R3HCC1L: variants seen among roughly 807,000 people sequenced by gnomAD.
R3HCC1L encodes the protein R3H domain and coiled-coil containing 1 like.
A neutral mutation model predicts 59.9 loss-of-function variants in R3HCC1L; 51 were observed. The observed-to-expected ratio is 0.85, with a 90% CI of 0.68 to 1.07. R3HCC1L has a LOEUF of 1.07. Ranked by LOEUF, R3HCC1L falls within the 50% of genes least tolerant of loss-of-function variation. The pLI, the probability that R3HCC1L is intolerant of heterozygous loss-of-function variation, is 0.00. For synonymous variants in R3HCC1L, 322 were observed against 315.2 expected (o/e 1.02, Z -0.23); for missense variants, 965 against 933.0 (o/e 1.03, Z -0.45).
At chr10:98,223,714 G>T (rs933903489) in intron 5 of R3HCC1L, among the ~76,000 whole-genome samples, 3 of 151,968 alleles carry the variant, frequency 2.0e-5, no homozygotes, top group Non-Finnish European at 4.4e-5. Flanking sequence ...GTAGAACTTT[G>T]CTGGGGATGA....
In R3HCC1L at chr10:98,218,285, A is replaced by G. The variant is rs561903329; in HGVS notation, c.1785+8386A>G. 9.9e-5 allele frequency among the ~76,000 whole-genome samples: 15 copies of G among 152,066 alleles called. No homozygotes were observed. The South Asian group carries it at 2.9e-3, about 29-fold the overall frequency. ...GATGTTTATATGGGTTTTGACCTTC[A>G]TTCTGTTGATCTAATGTATCACATT... On this transcript the variant is annotated intron_variant, in intron 5 of 9. Transcript: ENST00000298999.
Position 98,209,170 on chromosome 10 carries a change from A to G in R3HCC1L, c.1056A>G (p.Thr352=). 6.2e-7 allele frequency: 1 copy of G among 1,613,918 alleles called. No individual in the cohort carries two copies. The highest frequency in any genetic ancestry group is 8.5e-7 in the Non-Finnish European group (1 of 1,179,938). ...ATGTAAAGCACGAACCTCCTGATAC[A>G]GCTGTCCTTGCTCATGAAACACATA... ...ELHVKHEPPD[T]AVLAHETHRD... is the part of the protein sequence containing the mutation. The change falls in exon 5 of 10, where the codon ACA becomes ACG. Residue 352 remains threonine (T), a synonymous_variant. Transcript: ENST00000298999.
chr10:98,135,719 G>A (rs966676004), intron 1 of R3HCC1L, among the ~76,000 whole-genome samples: 3 of 152,102 alleles, frequency 2.0e-5, no homozygotes, highest in African/African-American at 7.2e-5. Context: ...TGGATTTTAA[G>A]GCCCACCAGA....
At chr10:98,243,184 C>G (rs1471004525) in intron 9 of R3HCC1L, among the ~76,000 whole-genome samples, 2 of 152,200 alleles carry the variant, frequency 1.3e-5, no homozygotes, top group Admixed American at 6.5e-5. Flanking sequence ...AGTGTTTATT[C>G]TGAATTCATC....
intron 4 of R3HCC1L, among the ~76,000 whole-genome samples, chr10:98,170,370 C>T (rs561708773): frequency 6.6e-6 from 1 of 152,208 alleles, no homozygotes; most frequent in Non-Finnish European, 1.5e-5. Context: ...GGCTGGAGTA[C>T]AGTGTCACAA....
chr10:98,145,614 AT>A (rs1845574285), intron 1 of R3HCC1L, among the ~76,000 whole-genome samples: 1 of 152,154 alleles, frequency 6.6e-6, no homozygotes, highest in African/African-American at 2.4e-5. Context: ...GTTCTTTGGA[AT>A]TTGTCTTTTG....
intron 2 of R3HCC1L, among the ~76,000 whole-genome samples, chr10:98,156,691 G>A (rs73323849): frequency 0.042 from 6,336 of 152,230 alleles, 422 homozygotes; most frequent in African/African-American, 0.14. Flanking sequence ...GGGTGAGACC[G>A]TTGTTGATTG....
intron 6 of R3HCC1L, among the ~76,000 whole-genome samples, chr10:98,232,725 G>C (rs531160586): frequency 6.6e-6 from 1 of 152,158 alleles, no homozygotes; most frequent in Non-Finnish European, 1.5e-5. Context: ...TCAGGGTATA[G>C]CCCTTAACTT....
At chr10:98,192,510 T>C (rs1850974901) in intron 4 of R3HCC1L, among the ~76,000 whole-genome samples, 1 of 152,134 alleles carries the variant, frequency 6.6e-6, no homozygotes, top group East Asian at 1.9e-4. Flanking sequence ...TAAGTGACTA[T>C]TATAAACAAT....
At chr10:98,211,155 G>A (rs1853521128) in intron 5 of R3HCC1L, among the ~76,000 whole-genome samples, 1 of 152,130 alleles carries the variant, frequency 6.6e-6, no homozygotes, top group African/African-American at 2.4e-5. Flanking sequence ...TTATATGTAC[G>A]TATGTGTGTT....
chr10:98,142,453 T>C (rs1219644768), intron 1 of R3HCC1L, among the ~76,000 whole-genome samples: 2 of 148,954 alleles, frequency 1.3e-5, no homozygotes, highest in African/African-American at 5.0e-5. Context: ...GCCCGGCCAA[T>C]GTGGGGAAAT....
chr10:98,211,496 G>C, intron 5 of R3HCC1L: 1 of 1,136,438 alleles, frequency 8.8e-7, no homozygotes. Flanking sequence ...TGAATATAGA[G>C]ATGTTATTAA....
chr10:98,153,475 G>A (rs951145260), intron 1 of R3HCC1L, among the ~76,000 whole-genome samples: 4 of 152,078 alleles, frequency 2.6e-5, no homozygotes, highest in Admixed American at 6.5e-5. Flanking sequence ...CAAACACTGC[G>A]GAAGGCCGCA....
rs1848882013 is a variant in R3HCC1L, at chr10:98,175,119, G to C, written c.-15+11722G>C. ...AATGAAGTTTTAAGTAATGACTGCA[G>C]AATTAAATTGGGAAAGACTATGGCC... On this transcript the variant is annotated intron_variant, in intron 4 of 9. Coordinates refer to ENST00000298999, the MANE Select transcript of R3HCC1L (RefSeq NM_001351015.2). Among the ~76,000 whole-genome samples the C allele has an allele frequency of 2.0e-5, 3 of 152,200 alleles. No individual in the cohort carries two copies. The South Asian group carries it at 6.2e-4, about 32-fold the overall frequency.
At chr10:98,239,087 G>A (rs1857256622) in intron 9 of R3HCC1L, among the ~76,000 whole-genome samples, 1 of 152,156 alleles carries the variant, frequency 6.6e-6, no homozygotes, top group African/African-American at 2.4e-5. Flanking sequence ...CTGGTTTCCA[G>A]CAAAGCGAAA....
intron 6 of R3HCC1L, among the ~76,000 whole-genome samples, chr10:98,233,235 A>G (rs986417243): frequency 6.6e-6 from 1 of 152,088 alleles, no homozygotes; most frequent in Non-Finnish European, 1.5e-5. Context: ...CTTACAAACT[A>G]TTTACTTCCC....
rs190148046 is a variant in R3HCC1L at position 98,145,726 on chromosome 10, G to A, written c.-267-10367G>A. Among the ~76,000 whole-genome samples, 490 of 152,206 alleles carry A rather than the reference G, an allele frequency of 3.2e-3. 1 individual carries two copies. The highest frequency in any genetic ancestry group is 0.011 in the African/African-American group (451 of 41,552). The stretch of plus-strand genomic sequence containing the variant: ...CAGCACTTTGGGAGGCTGAGGCAGC[G>A]GATCACGAGGTCAGGAGATCGAGAC... On this transcript the variant is annotated intron_variant, in intron 1 of 9. Coordinates refer to ENST00000298999, the MANE Select transcript of R3HCC1L (RefSeq NM_001351015.2).
chr10:98,232,579 T>C (rs1446421515), intron 6 of R3HCC1L, among the ~76,000 whole-genome samples: 1 of 152,180 alleles, frequency 6.6e-6, no homozygotes, highest in Admixed American at 6.5e-5. Context: ...ATTTTCAGGG[T>C]CTGGAAGAAA....
chr10:98,230,878 G>A (rs1313147367), intron 5 of R3HCC1L, among the ~76,000 whole-genome samples: 1 of 151,982 alleles, frequency 6.6e-6, no homozygotes, highest in Non-Finnish European at 1.5e-5. Context: ...ATTTTAATTT[G>A]TTACCTCTTT....
Sources: gnomAD v4.1 joint callset for allele counts (sites outside exome capture counted in the v4.1 genomes callset) on GRCh38, gnomAD v4.1.1 for gene constraint, MANE v1.5 for transcripts, NCBI Gene and HGNC (gene_info 2026-07-23, HGNC 2026-07-21) for gene names.